The following SOX6 variants were observed in gnomAD, a reference collection of about 807,000 sequenced individuals.
SOX6 encodes the protein transcription factor SOX-6.
SOX6 carries 11 observed loss-of-function variants against 97.8 expected under a neutral mutation model. The observed-to-expected ratio is 0.11, with a 90% confidence interval of 0.07 to 0.19. The LOEUF (loss-of-function observed/expected upper bound fraction) is 0.19, where lower values mean the gene tolerates loss of function less well. Ranked by LOEUF, SOX6 falls within the 10% of genes least tolerant of loss-of-function variation. SOX6 has a pLI of 1.00. For missense variants in SOX6, 810 were observed against 1,039.5 expected (o/e 0.78, Z 3.04); for synonymous variants, 360 against 371.4 (o/e 0.97, Z 0.35).
chr11:16,274,458 T>TAA (rs1854339992), intron 3 of SOX6, among the ~76,000 whole-genome samples: 1 of 152,150 alleles, frequency 6.6e-6, no homozygotes, highest in African/African-American at 2.4e-5. Context: ...TAGGTGGTGG[T>TAA]ATTAATTTTT....
chr11:16,332,711 T>C (rs377247766), intron 2 of SOX6, among the ~76,000 whole-genome samples: 15 of 152,340 alleles, frequency 9.8e-5, no homozygotes, highest in African/African-American at 3.6e-4. Flanking sequence ...TTTACACAGA[T>C]ATATTATTGA....
At chr11:16,581,775 A>T (rs1464757458) in intron 4 of SOX6, among the ~76,000 whole-genome samples, 1 of 151,998 alleles carries the variant, frequency 6.6e-6, no homozygotes, top group Non-Finnish European at 1.5e-5. Flanking sequence ...CAACCTGGCC[A>T]AGATGATGAA....
chr11:16,404,509 A>G (rs1426811490), intron 1 of SOX6, among the ~76,000 whole-genome samples: 1 of 151,942 alleles, frequency 6.6e-6, no homozygotes, highest in Admixed American at 6.6e-5. Flanking sequence ...TATCAATAGA[A>G]AGCCATTTTT....
intron 2 of SOX6, among the ~76,000 whole-genome samples, chr11:16,331,187 T>C (rs566267503): frequency 6.6e-6 from 1 of 152,302 alleles, no homozygotes; most frequent in Non-Finnish European, 1.5e-5. Context: ...CCATACTGTT[T>C]GTTGTTGTTT....
At chr11:16,524,274 T>A (rs1332519935) in intron 4 of SOX6, among the ~76,000 whole-genome samples, 2 of 151,410 alleles carry the variant, frequency 1.3e-5, no homozygotes, top group Non-Finnish European at 2.9e-5. Flanking sequence ...AAAAAGCTTA[T>A]CCACCATGAT....
At chr11:16,306,214 G>A (rs1855428052) in intron 3 of SOX6, among the ~76,000 whole-genome samples, 1 of 152,030 alleles carries the variant, frequency 6.6e-6, no homozygotes, top group African/African-American at 2.4e-5. Flanking sequence ...ATTACCGCTG[G>A]GGGAAACCGG....
In SOX6 at chr11:16,431,912, C is replaced by G. The variant is rs182131441; in HGVS notation, c.-5+44403G>C. The stretch of plus-strand genomic sequence containing the variant: ...CACACATTTCCCACATTCCGGTAAT[C>G]ATTAAATTCTCCATAGTAAATAAGA... On this transcript the variant is annotated intron_variant, in intron 1 of 15. Transcript: ENST00000396356. Among the ~76,000 whole-genome samples, 280 of 152,142 alleles carry G rather than the reference C, an allele frequency of 1.8e-3. 3 individuals are homozygous for G. In the Middle Eastern group the frequency reaches 0.054, roughly 30 times the overall value.
At chr11:16,204,810 GA>G (rs1205662760) in intron 4 of SOX6, among the ~76,000 whole-genome samples, 1 of 152,054 alleles carries the variant, frequency 6.6e-6, no homozygotes, top group African/African-American at 2.4e-5. Flanking sequence ...CCCCAAGTTT[GA>G]CAAATAAGAA....
At chr11:16,068,739 T>A (rs1311791002) in intron 9 of SOX6, among the ~76,000 whole-genome samples, 1 of 152,222 alleles carries the variant, frequency 6.6e-6, no homozygotes, top group African/African-American at 2.4e-5. Flanking sequence ...ATCCTACTCA[T>A]CTTTTCAGTC....
At chr11:16,516,036 T>C (rs1326331717) in intron 4 of SOX6, among the ~76,000 whole-genome samples, 1 of 151,776 alleles carries the variant, frequency 6.6e-6, no homozygotes, top group African/African-American at 2.4e-5. Flanking sequence ...TGCGGGCTCT[T>C]TTTTGGTTCC....
intron 3 of SOX6, among the ~76,000 whole-genome samples, chr11:16,702,685 T>C (rs1442288318): frequency 6.6e-6 from 1 of 152,084 alleles, no homozygotes; most frequent in Admixed American, 6.6e-5. Flanking sequence ...CCTTTAGCCA[T>C]GGAGAATTTT....
At chr11:16,656,181 A>G (rs1389504044) in intron 3 of SOX6, among the ~76,000 whole-genome samples, 2 of 152,040 alleles carry the variant, frequency 1.3e-5, no homozygotes, top group Admixed American at 1.3e-4. Flanking sequence ...CTGGTTCAGC[A>G]ATTCTCCTGC....
chr11:15,975,438 C>A (rs1853445812), intron 15 of SOX6, among the ~76,000 whole-genome samples: 5 of 152,150 alleles, frequency 3.3e-5, no homozygotes, highest in Admixed American at 2.0e-4. Context: ...CCCAATTTGG[C>A]AAGCTGATCT....
intron 4 of SOX6, chr11:16,484,073 G>A: frequency 1.3e-6 from 1 of 772,232 alleles, no homozygotes; most frequent in African/African-American, 1.7e-5. Context: ...TCACCACAAT[G>A]CCTTTGGACT....
rs146929214 is a variant in SOX6 at position 16,193,631 on chromosome 11, G to C, written c.536-6676C>G. Among the ~76,000 whole-genome samples, 19 of 152,272 alleles carry C rather than the reference G, an allele frequency of 1.2e-4. No homozygotes were observed. The East Asian group carries it at 3.3e-3, about 26-fold the overall frequency. ...TAGGGGTGGCACTGACACTGGAGTG[G>C]AGTTCTGATGAAGATACACTTTTTC... On this transcript the variant is annotated intron_variant, in intron 4 of 15. Coordinates refer to ENST00000683767, the MANE Select transcript of SOX6 (RefSeq NM_001367873.1).
rs980747493 is a variant in SOX6, at chr11:16,046,509, T to A, written c.1623+5A>T. 6.2e-7 allele frequency: 1 copy of A among 1,612,752 alleles called. No individual in the cohort carries two copies. The highest frequency in any genetic ancestry group is 8.5e-7 in the Non-Finnish European group (1 of 1,179,620). The stretch of plus-strand genomic sequence containing the variant: ...AGATCCAGTGACACAAGGAAGCAGT[T>A]TTACCTTTTCATTCCTGCAGCTGTT... On this transcript the variant is annotated splice_donor_5th_base_variant and intron_variant, in intron 12 of 15. Coordinates refer to ENST00000683767, the MANE Select transcript of SOX6 (RefSeq NM_001367873.1).
chr11:16,720,107 A>G (rs1364974604), intron 2 of SOX6, among the ~76,000 whole-genome samples: 1 of 152,218 alleles, frequency 6.6e-6, no homozygotes. Flanking sequence ...AAACAGAACC[A>G]AAGCAACCAC....
In SOX6 at chr11:16,392,085, G is replaced by A. The variant is rs149981116; in HGVS notation, c.-4-50833C>T. On this transcript the variant is annotated intron_variant, in intron 1 of 15. Coordinates refer to the SOX6 transcript ENST00000396356. ...CAAGCCATAATTTTAAATGAAAAAA[G>A]CATGTAAAGTATAAAGCAATATGTG... Among the ~76,000 whole-genome samples, 163 of 152,068 alleles carry A rather than the reference G, an allele frequency of 1.1e-3. 1 individual carries two copies. The highest frequency in any genetic ancestry group is 3.7e-3 in the African/African-American group (152 of 41,502).
chr11:16,545,263 G>A (rs1847605138), intron 4 of SOX6, among the ~76,000 whole-genome samples: 1 of 147,066 alleles, frequency 6.8e-6, no homozygotes, highest in Admixed American at 6.9e-5. Flanking sequence ...AGAAAGTGAA[G>A]AATACAGCCA....
Sources: gnomAD v4.1 joint callset for allele counts (sites outside exome capture counted in the v4.1 genomes callset) on GRCh38, gnomAD v4.1.1 for gene constraint, MANE v1.5 for transcripts, NCBI Gene and HGNC (gene_info 2026-07-23, HGNC 2026-07-21) for gene names.